Variants in COL25A1 observed in about 807,000 individuals in gnomAD.
The protein encoded by COL25A1 is collagen alpha-1(XXV) chain.
Under a neutral mutation model 128.4 loss-of-function variants are expected in COL25A1, and 103 were observed. The ratio of observed to expected loss-of-function variants is 0.80; its 90% confidence interval spans 0.68 to 0.94. The LOEUF is 0.94. Among genes scored for constraint, COL25A1 ranks in the 40% least tolerant of loss-of-function variants. The pLI, the probability that COL25A1 is intolerant of heterozygous loss-of-function variation, is 0.00. For missense variants in COL25A1, 745 were observed against 840.0 expected (o/e 0.89, Z 1.40); for synonymous variants, 279 against 277.2 (o/e 1.01, Z -0.06).
intron 6 of COL25A1, among the ~76,000 whole-genome samples, chr4:109,006,087 T>C (rs1203610199): frequency 6.6e-6 from 1 of 152,158 alleles, no homozygotes; most frequent in East Asian, 1.9e-4. Flanking sequence ...TTCCTGTTAC[T>C]AGACATATAC....
In COL25A1 at chr4:109,287,904, C is replaced by T. The variant is rs77228516; in HGVS notation, c.367+12679G>A. Reference sequence around the variant, plus strand: ...TCAAACAAGGCAGACCAATGGGAGACATATGGGCCAAGAATAGGCAAACAA... The same window carrying T: ...TCAAACAAGGCAGACCAATGGGAGATATATGGGCCAAGAATAGGCAAACAA... On this transcript the variant is annotated intron_variant, in intron 3 of 37. Coordinates refer to ENST00000399132, the MANE Select transcript of COL25A1 (RefSeq NM_198721.4). 5.9e-3 allele frequency among the ~76,000 whole-genome samples: 901 copies of T among 152,202 alleles called. 10 individuals carry two copies. Among genetic ancestry groups the T allele is most frequent in the African/African-American group, 0.021 (865 of 41,530 alleles).
At chr4:108,951,787 A>G (rs577417227) in intron 8 of COL25A1, among the ~76,000 whole-genome samples, 1 of 152,348 alleles carries the variant, frequency 6.6e-6, no homozygotes, top group South Asian at 2.1e-4. Context: ...ATGGTCATTA[A>G]TAATCCTTCT....
chr4:109,234,699 C>A (rs1434070887), intron 3 of COL25A1, among the ~76,000 whole-genome samples: 3 of 152,062 alleles, frequency 2.0e-5, no homozygotes, highest in African/African-American at 7.2e-5. Flanking sequence ...AAAATGGTCA[C>A]AATCATATTT....
intron 3 of COL25A1, among the ~76,000 whole-genome samples, chr4:109,291,527 A>C (rs1485242704): frequency 6.6e-6 from 1 of 152,080 alleles, no homozygotes; most frequent in Non-Finnish European, 1.5e-5. Context: ...ATTTTCTATA[A>C]ATAACATAAT....
chr4:108,911,802 G>GGT (rs1380128955), intron 13 of COL25A1, among the ~76,000 whole-genome samples: 1 of 124,400 alleles, frequency 8.0e-6, no homozygotes, highest in African/African-American at 3.0e-5. Context: ...TTGCTTCGCT[G>GGT]TTTTTTTTTT....
chr4:108,968,227 T>C (rs1283245076), intron 8 of COL25A1, among the ~76,000 whole-genome samples: 2 of 152,184 alleles, frequency 1.3e-5, no homozygotes, highest in Admixed American at 6.6e-5. Flanking sequence ...GTTCAATGTA[T>C]ACTGAAAGAA....
At chr4:109,259,432 C>T (rs1781289698) in intron 3 of COL25A1, among the ~76,000 whole-genome samples, 1 of 152,190 alleles carries the variant, frequency 6.6e-6, no homozygotes, top group African/African-American at 2.4e-5. Flanking sequence ...AATGGGATTT[C>T]ATTGCCATGG....
chr4:109,030,810 T>C (rs1758779338), intron 5 of COL25A1, among the ~76,000 whole-genome samples: 1 of 152,172 alleles, frequency 6.6e-6, no homozygotes, highest in Non-Finnish European at 1.5e-5. Flanking sequence ...TGGAGTGCAG[T>C]GGCACCATCA....
chr4:108,936,297 G>A (rs1747395145), intron 11 of COL25A1, among the ~76,000 whole-genome samples: 1 of 152,056 alleles, frequency 6.6e-6, no homozygotes, highest in Non-Finnish European at 1.5e-5. Context: ...TATTGGGCAC[G>A]GTGGCTCACG....
rs1451385302 is a variant in COL25A1 at position 108,812,471 on chromosome 4, TACAATGATTAGACTGAA to T, written c.*1439_*1455del. On this transcript the variant is annotated 3_prime_UTR_variant, in exon 38 of 38. Coordinates refer to ENST00000399132, the MANE Select transcript of COL25A1 (RefSeq NM_198721.4). ...TTAAAAATGCATAACTTTCATGCTT[TACAATGATTAGACTGAA>T]AGTGGAGCTTCTTTTATATTCTATC... 6.6e-6 allele frequency: 1 copy of T among 152,206 alleles called. No homozygotes were observed. The highest frequency in any genetic ancestry group is 1.5e-5 in the Non-Finnish European group (1 of 68,030). 9.4% of individuals were successfully genotyped at this position (152,206 alleles called of 1,614,324 possible).
intron 6 of COL25A1, among the ~76,000 whole-genome samples, chr4:109,001,709 A>G (rs1257907893): frequency 6.6e-6 from 1 of 152,128 alleles, no homozygotes; most frequent in African/African-American, 2.4e-5. Flanking sequence ...CATGTTGGAA[A>G]AGGGCCTATT....
chr4:109,085,181 C>T (rs1484233969), intron 3 of COL25A1, among the ~76,000 whole-genome samples: 3 of 152,166 alleles, frequency 2.0e-5, no homozygotes, highest in African/African-American at 7.2e-5. Flanking sequence ...GGGGCTCCAT[C>T]ACCATTACCG....
chr4:108,963,592 A>C (rs952523211), intron 8 of COL25A1, among the ~76,000 whole-genome samples: 3 of 152,020 alleles, frequency 2.0e-5, no homozygotes, highest in Admixed American at 6.6e-5. Flanking sequence ...TGAATTAATA[A>C]ATCTAAAAAT....
chr4:109,292,920 G>A (rs1020766597), intron 3 of COL25A1, among the ~76,000 whole-genome samples: 5 of 151,956 alleles, frequency 3.3e-5, no homozygotes, highest in South Asian at 2.1e-4. Context: ...CCCTAGAACC[G>A]GCCAGCATTT....
intron 3 of COL25A1, among the ~76,000 whole-genome samples, chr4:109,235,641 A>G (rs140137404): frequency 2.3e-4 from 35 of 152,192 alleles, no homozygotes; most frequent in African/African-American, 8.4e-4. Flanking sequence ...TTAGCTGACC[A>G]CTAAATTCAA....
Position 108,853,514 on chromosome 4 carries a change from T to G in COL25A1, c.1321-589A>C, listed in dbSNP as rs146042176. The stretch of plus-strand genomic sequence containing the variant: ...GAAAAACAAATGAGTTTTTAAAATT[T>G]ATTGATTGATTGATTTATTATACTT... On this transcript the variant is annotated intron_variant, in intron 24 of 37. Coordinates refer to ENST00000399132, the MANE Select transcript of COL25A1 (RefSeq NM_198721.4). Among the ~76,000 whole-genome samples the G allele has an allele frequency of 1.7e-3, 252 of 149,434 alleles. 4 individuals carry two copies. The highest frequency in any genetic ancestry group is 0.014 in the Middle Eastern group (4 of 292).
At chr4:109,225,924 G>A (rs187964252) in intron 3 of COL25A1, among the ~76,000 whole-genome samples, 10 of 150,606 alleles carry the variant, frequency 6.6e-5, no homozygotes, top group South Asian at 2.1e-4. Flanking sequence ...CTAGTCACAC[G>A]CTAGTTTGTA....
intron 8 of COL25A1, among the ~76,000 whole-genome samples, chr4:108,961,608 T>TCTGTTCTGTTCTGTTCTGTTCTGTG (rs2125969000): frequency 6.6e-6 from 1 of 152,144 alleles, no homozygotes; most frequent in East Asian, 1.9e-4. Flanking sequence ...TCTGTTCTGT[T>TCTGTTCTGTTCTGTTCTGTTCTGTG]CTGTTCTGTT....
At chr4:108,849,868 C>T (rs551602227) in intron 26 of COL25A1, among the ~76,000 whole-genome samples, 15 of 152,276 alleles carry the variant, frequency 9.9e-5, no homozygotes, top group African/African-American at 3.4e-4. Flanking sequence ...CTATGAGGTA[C>T]AGCATGAAAT....
Sources: allele counts gnomAD v4.1 joint callset (sites outside exome capture counted in the v4.1 genomes callset), GRCh38; gene constraint gnomAD v4.1.1; transcripts MANE v1.5; gene names NCBI Gene and HGNC (gene_info 2026-07-23, HGNC 2026-07-21).